The following BANK1 variants were observed in gnomAD, a reference collection of about 807,000 sequenced individuals.
BANK1 encodes the protein B cell scaffold protein with ankyrin repeats 1.
A neutral mutation model predicts 94.5 loss-of-function variants in BANK1; 95 were observed. That is an observed-to-expected ratio of 1.00 (90% CI 0.85 to 1.19). The LOEUF (loss-of-function observed/expected upper bound fraction) is 1.19. Among genes scored for constraint, BANK1 ranks in the 50% most tolerant of loss-of-function variants. The pLI is 0.00. For missense variants in BANK1, 987 were observed against 932.2 expected, an observed-to-expected ratio of 1.06 and a Z score of -0.77; for synonymous variants, 334 against 308.4, an observed-to-expected ratio of 1.08 and a Z score of -0.87.
At chr4:101,964,554 A>T (rs1391621215) in intron 7 of BANK1, among the ~76,000 whole-genome samples, 1 of 151,998 alleles carries the variant, frequency 6.6e-6, no homozygotes, top group Non-Finnish European at 1.5e-5. Context: ...TTACAGTTTT[A>T]ACTAGCATGT....
rs772419630 is a variant in BANK1 at position 101,895,361 on chromosome 4, A to T, written c.960A>T (p.Pro320=). ...CATCCATATTCAAACATGAGATACCATATTATGAGTTCCAGTCTCTTCAAA... is the reference window on the plus strand; with the variant it reads ...CATCCATATTCAAACATGAGATACCTTATTATGAGTTCCAGTCTCTTCAAA... ...VLTSIFKHEI[P]YYEFQSLQTE... is the part of the protein sequence containing the mutation. Residue 320 remains proline (P), a synonymous_variant, in exon 6 of 17, where the codon CCA becomes CCT. Coordinates refer to ENST00000322953, the MANE Select transcript of BANK1 (RefSeq NM_017935.5). The T allele has an allele frequency of 6.3e-7, 1 of 1,596,480 alleles. No homozygotes were observed. The highest frequency in any genetic ancestry group is 1.7e-5 in the Admixed American group (1 of 57,504).
intron 5 of BANK1, among the ~76,000 whole-genome samples, chr4:101,884,724 A>G (rs899578410): frequency 2.6e-5 from 4 of 152,250 alleles, no homozygotes; most frequent in South Asian, 2.1e-4. Flanking sequence ...ATACATATCA[A>G]TGTTACTTAC....
intron 7 of BANK1, among the ~76,000 whole-genome samples, chr4:101,920,047 A>G (rs1722950000): frequency 1.3e-5 from 2 of 151,988 alleles, no homozygotes; most frequent in Admixed American, 6.6e-5. Context: ...GAGTGAAGGT[A>G]TGCTAGATAA....
intron 7 of BANK1, among the ~76,000 whole-genome samples, chr4:101,986,808 T>G (rs12641307): frequency 5.2e-5 from 5 of 96,522 alleles, no homozygotes; most frequent in African/African-American, 2.1e-4. Context: ...TGTGTATATA[T>G]ATGTATATAT....
rs1728247707 is a variant in BANK1 at position 101,870,616 on chromosome 4, T to G, written c.875T>G (p.Met292Arg). 1.2e-6 allele frequency: 2 copies of G among 1,612,238 alleles called. No homozygotes were observed. Among genetic ancestry groups the G allele is most frequent in the African/African-American group, 2.7e-5 (2 of 74,962 alleles). Reference sequence around the variant, plus strand: ...AAGGCAAAGGAATGCCTATTCAGAATGGCAGATTCAGGAGAGAGTTTGTGC... The same window carrying G: ...AAGGCAAAGGAATGCCTATTCAGAAGGGCAGATTCAGGAGAGAGTTTGTGC... ...TAKAKECLFRMADSGESLCQN... is the reference protein window; with the variant it reads ...TAKAKECLFRRADSGESLCQN... The change falls in exon 5 of 17, where the codon ATG (methionine) becomes AGG (arginine). Residue 292 changes from methionine (M) to arginine (R), a missense_variant. Transcript: ENST00000322953.
At chr4:101,996,127 GTTTCA>G (rs1725870485) in intron 7 of BANK1, among the ~76,000 whole-genome samples, 1 of 152,154 alleles carries the variant, frequency 6.6e-6, no homozygotes, top group Non-Finnish European at 1.5e-5. Context: ...AAGGGGTCCA[GTTTCA>G]GTTTTCTGCA....
chr4:102,038,595 T>C (rs1413416073), intron 10 of BANK1, among the ~76,000 whole-genome samples: 1 of 152,144 alleles, frequency 6.6e-6, no homozygotes, highest in African/African-American at 2.4e-5. Flanking sequence ...GCTCACCCAG[T>C]GGTGACTGGA....
At chr4:101,806,109 C>T (rs1725543075) in intron 1 of BANK1, among the ~76,000 whole-genome samples, 1 of 151,712 alleles carries the variant, frequency 6.6e-6, no homozygotes, top group Non-Finnish European at 1.5e-5. Flanking sequence ...TAAAATAATA[C>T]ATGAACATAA....
At chr4:101,998,071 T>C (rs191334191) in intron 7 of BANK1, among the ~76,000 whole-genome samples, 2 of 152,330 alleles carry the variant, frequency 1.3e-5, no homozygotes, top group East Asian at 3.9e-4. Flanking sequence ...AAAATTCCCC[T>C]GTAAACACTG....
intron 7 of BANK1, among the ~76,000 whole-genome samples, chr4:101,988,774 C>A (rs1725598726): frequency 6.6e-6 from 1 of 152,108 alleles, no homozygotes; most frequent in Non-Finnish European, 1.5e-5. Flanking sequence ...ATTATTCAAA[C>A]TCACAGAAGA....
chr4:102,046,514 AG>A (rs1455884502), intron 11 of BANK1, among the ~76,000 whole-genome samples: 2 of 152,120 alleles, frequency 1.3e-5, no homozygotes, highest in Non-Finnish European at 1.5e-5. Flanking sequence ...TAGACCTATA[AG>A]GGAAGCCTCT....
chr4:102,012,652 T>C (rs1463926003), intron 7 of BANK1, among the ~76,000 whole-genome samples: 1 of 152,186 alleles, frequency 6.6e-6, no homozygotes, highest in African/African-American at 2.4e-5. Context: ...ATATGTTTGC[T>C]TCTAGCTTGG....
At chr4:101,897,876 AT>A (rs1362912128) in intron 6 of BANK1, among the ~76,000 whole-genome samples, 4 of 152,104 alleles carry the variant, frequency 2.6e-5, no homozygotes, top group South Asian at 2.1e-4. Flanking sequence ...ACAGAAAAAA[AT>A]ATTACCCTCT....
intron 2 of BANK1, among the ~76,000 whole-genome samples, chr4:101,833,334 G>A (rs1054230843): frequency 2.0e-5 from 3 of 152,162 alleles, no homozygotes; most frequent in Non-Finnish European, 4.4e-5. Context: ...CCAGCCAATG[G>A]AGATAGACAG....
intron 6 of BANK1, among the ~76,000 whole-genome samples, chr4:101,899,013 C>A (rs1329098170): frequency 6.6e-6 from 1 of 151,902 alleles, no homozygotes; most frequent in African/African-American, 2.4e-5. Context: ...AAAATCAACA[C>A]TGAGGAGATT....
chr4:101,830,654 T>A (rs1488537224), intron 2 of BANK1, among the ~76,000 whole-genome samples: 1 of 152,218 alleles, frequency 6.6e-6, no homozygotes, highest in African/African-American at 2.4e-5. Flanking sequence ...AACCTTTAGA[T>A]AAAAGAAAAT....
intron 8 of BANK1, among the ~76,000 whole-genome samples, chr4:102,024,724 T>C (rs759922591): frequency 7.9e-5 from 12 of 152,136 alleles, no homozygotes; most frequent in Admixed American, 2.0e-4. Flanking sequence ...TATAAAATTA[T>C]TATAGTTATC....
intron 2 of BANK1, among the ~76,000 whole-genome samples, chr4:101,841,960 A>G (rs1033194161): frequency 6.6e-6 from 1 of 151,998 alleles, no homozygotes; most frequent in African/African-American, 2.4e-5. Context: ...TAGATAAGCT[A>G]CTCACAGATG....
At position 101,887,137 on chromosome 4, in the gene BANK1, C is replaced by T. The variant is rs536194359; in HGVS notation, c.904-8168C>T. Among the ~76,000 whole-genome samples the T allele has an allele frequency of 1.1e-4, 16 of 152,158 alleles. No individual in the cohort carries two copies. In the South Asian group the frequency reaches 1.5e-3, roughly 14 times the overall value. On this transcript the variant is annotated intron_variant, in intron 5 of 16. Transcript: ENST00000322953. ...TTTTTCTTTTGACTGGTTTGAATTCCGACAAGGAAGTGATGGATGAACCTT... is the reference window on the plus strand; with the variant it reads ...TTTTTCTTTTGACTGGTTTGAATTCTGACAAGGAAGTGATGGATGAACCTT...
Sources: allele counts gnomAD v4.1 joint callset (sites outside exome capture counted in the v4.1 genomes callset), GRCh38; gene constraint gnomAD v4.1.1; transcripts MANE v1.5; gene names NCBI Gene and HGNC (gene_info 2026-07-23, HGNC 2026-07-21).